The following TET3 variants were observed in gnomAD, a reference collection of about 807,000 sequenced individuals.
The protein encoded by TET3 is methylcytosine dioxygenase TET3.
TET3 carries 19 observed loss-of-function variants against 141.4 expected under a neutral mutation model. That is an observed-to-expected ratio of 0.13 (90% CI 0.09 to 0.20). The LOEUF (loss-of-function observed/expected upper bound fraction) is 0.20, where lower values mean the gene tolerates loss of function less well. Among genes scored for constraint, TET3 ranks in the 10% least tolerant of loss-of-function variants. The pLI is 1.00. For synonymous variants in TET3, 1,043 were observed against 980.9 expected (o/e 1.06, Z -1.18); for missense variants, 1,874 against 2,356.9 (o/e 0.80, Z 4.24).
intron 3 of TET3, among the ~76,000 whole-genome samples, chr2:74,004,892 C>T (rs933003432): frequency 1.3e-5 from 2 of 152,122 alleles, no homozygotes; most frequent in African/African-American, 4.8e-5. Flanking sequence ...GCACAGAGAT[C>T]GTAGAGTAGA....
intron 3 of TET3, among the ~76,000 whole-genome samples, chr2:74,010,789 G>C (rs1208475504): frequency 6.6e-6 from 1 of 152,206 alleles, no homozygotes; most frequent in Non-Finnish European, 1.5e-5. Context: ...TACAGAGTTT[G>C]CAAAAGTGAA....
Position 74,057,799 on chromosome 2 carries a change from A to G in TET3, c.2494+9388A>G, listed in dbSNP as rs545687176. ...AGCTTCTCCTGTGAGAAGATTGATTAACAAATAAACAAAATCAACATGGTA... is the reference window on the plus strand; with the variant it reads ...AGCTTCTCCTGTGAGAAGATTGATTGACAAATAAACAAAATCAACATGGTA... On this transcript the variant is annotated intron_variant, in intron 4 of 11. Transcript: ENST00000409262. Among the ~76,000 whole-genome samples, 4 of 152,232 alleles carry G rather than the reference A, an allele frequency of 2.6e-5. 1 individual carries two copies. Among genetic ancestry groups the G allele is most frequent in the African/African-American group, 2.4e-5 (1 of 41,462 alleles).
chr2:74,000,910 A>G (rs1323765959), intron 2 of TET3, among the ~76,000 whole-genome samples: 3 of 152,156 alleles, frequency 2.0e-5, no homozygotes, highest in Non-Finnish European at 2.9e-5. Flanking sequence ...CCGCTGCAGC[A>G]ACCGTACTAG....
At chr2:74,027,293 A>G (rs899456377) in intron 3 of TET3, among the ~76,000 whole-genome samples, 2 of 150,218 alleles carry the variant, frequency 1.3e-5, no homozygotes, top group Admixed American at 1.3e-4. Context: ...TCGTTTTCTT[A>G]GCCTTTTAGA....
upstream of TET3, among the ~76,000 whole-genome samples, chr2:73,984,899 CG>C (rs1376167415): frequency 6.8e-6 from 1 of 147,168 alleles, no homozygotes; most frequent in African/African-American, 2.5e-5. This position sits in a 1 kb window ranked among gnomAD's most constrained non-coding sequence, Gnocchi z 5.6. Context: ...CCGCGGTGCG[CG>C]GGGGGCGGGG....
rs1414305008 is a variant in TET3, at chr2:74,048,292, C to A, written c.2375C>A (p.Thr792Lys). The change falls in exon 4 of 12, where the codon ACA (threonine) becomes AAA (lysine). Residue 792 changes from threonine (T) to lysine (K), a missense_variant. By Grantham distance (78) the Thr-to-Lys change is moderately conservative (BLOSUM62 -1). Around this residue, in one of 10 missense-constraint regions of TET3, gnomAD observed 83 missense variants for 107.0 expected, o/e 0.78. Coordinates refer to ENST00000409262, the MANE Select transcript of TET3 (RefSeq NM_001287491.2). ...ATPTKAENPL[T>K]PTLSGFLESP... ...CCCACCAAGGCTGAGAACCCACTCA[C>A]ACCCACCCTCAGTGGCTTCTTGGAG... 9 of 1,613,938 alleles carry A rather than the reference C, an allele frequency of 5.6e-6. No individual in the cohort carries two copies. Among genetic ancestry groups the A allele is most frequent in the South Asian group, 1.1e-5 (1 of 91,072 alleles).
chr2:74,027,835 C>T (rs920992109), intron 3 of TET3, among the ~76,000 whole-genome samples: 3 of 152,088 alleles, frequency 2.0e-5, no homozygotes, highest in Non-Finnish European at 4.4e-5. Context: ...TTTATATACA[C>T]GTTTTTGTGT....
chr2:74,100,945 C>T lies in TET3; in HGVS notation c.4157C>T (p.Ala1386Val), dbSNP rs779207654. 1.9e-6 allele frequency: 3 copies of T among 1,610,796 alleles called. No individual in the cohort carries two copies. Among genetic ancestry groups the T allele is most frequent in the Non-Finnish European group, 2.5e-6 (3 of 1,178,742 alleles). ...HSVSRDPSPFAQSSNCYNRSI... is the reference protein window; with the variant it reads ...HSVSRDPSPFVQSSNCYNRSI... ...GTGTCCAGGGACCCCTCCCCCTTTG[C>T]CCAGAGCTCCAACTGCTACAACAGA... Residue 1386 changes from alanine (A) to valine (V), a missense_variant, in exon 12 of 12, where the codon GCC (alanine) becomes GTC (valine). Physicochemically the swap from Ala to Val is moderately conservative, Grantham distance 64. Coordinates refer to ENST00000409262, the MANE Select transcript of TET3 (RefSeq NM_001287491.2).
At chr2:74,019,085 C>T (rs903612744) in intron 3 of TET3, among the ~76,000 whole-genome samples, 10 of 152,010 alleles carry the variant, frequency 6.6e-5, no homozygotes, top group Non-Finnish European at 8.8e-5. Context: ...CCCGCCAACC[C>T]TCATCTCTAC....
At chr2:74,034,977 G>A (rs907461465) in intron 3 of TET3, among the ~76,000 whole-genome samples, 3 of 150,210 alleles carry the variant, frequency 2.0e-5, no homozygotes, top group Non-Finnish European at 4.4e-5. Flanking sequence ...AGATCACGAG[G>A]TCAGTAGACC....
intron 3 of TET3, among the ~76,000 whole-genome samples, chr2:74,028,693 A>T (rs1413383906): frequency 1.3e-5 from 2 of 152,214 alleles, no homozygotes; most frequent in Non-Finnish European, 2.9e-5. Flanking sequence ...CATTTACATG[A>T]TGTACATCAG....
chr2:74,063,497 ATCCT>A (rs1688708050), intron 4 of TET3, among the ~76,000 whole-genome samples: 1 of 152,278 alleles, frequency 6.6e-6, no homozygotes, highest in Admixed American at 6.5e-5. Flanking sequence ...AATTCTGTCC[ATCCT>A]TTTTTTACGT....
chr2:74,041,991 T>C (rs1687365189), intron 3 of TET3, among the ~76,000 whole-genome samples: 1 of 152,216 alleles, frequency 6.6e-6, no homozygotes, highest in African/African-American at 2.4e-5. Flanking sequence ...ATTTTCAACA[T>C]CTACTTATTT....
At chr2:74,012,552 C>G (rs926314830) in intron 3 of TET3, among the ~76,000 whole-genome samples, 5 of 152,166 alleles carry the variant, frequency 3.3e-5, no homozygotes, top group African/African-American at 9.7e-5. Context: ...GGAGCTTGAC[C>G]AGAGGTTGAT....
intron 3 of TET3, among the ~76,000 whole-genome samples, chr2:74,018,088 C>T (rs1238419925): frequency 1.3e-5 from 2 of 151,856 alleles, no homozygotes; most frequent in Admixed American, 6.6e-5. Flanking sequence ...CTGCCTCAGC[C>T]TCCCGAGTAG....
Position 74,075,607 on chromosome 2 carries a change from G to T in TET3, c.2585+1968G>T, listed in dbSNP as rs1190879342. ...GCCTCCCAAAGTGCTGGAATTACAG[G>T]TGTGAGCCACCGTGCCTGGCAAGGA... On this transcript the variant is annotated intron_variant, in intron 5 of 11. Coordinates refer to ENST00000409262, the MANE Select transcript of TET3 (RefSeq NM_001287491.2). Among the ~76,000 whole-genome samples the T allele has an allele frequency of 2.6e-5, 4 of 152,104 alleles. No individual in the cohort carries two copies. The East Asian group carries it at 7.7e-4, about 29-fold the overall frequency.
At chr2:74,074,175 A>G (rs1689364318) in intron 5 of TET3, among the ~76,000 whole-genome samples, 2 of 152,168 alleles carry the variant, frequency 1.3e-5, no homozygotes, top group Non-Finnish European at 2.9e-5. Context: ...GGAGTGTTTC[A>G]TAGCTTTCTT....
intron 4 of TET3, among the ~76,000 whole-genome samples, chr2:74,049,544 G>A (rs1476825882): frequency 1.3e-5 from 2 of 152,182 alleles, no homozygotes; most frequent in African/African-American, 4.8e-5. Context: ...TAAAAGATAT[G>A]TGTGTTTCAG....
At chr2:74,006,794 CCT>C (rs1361108752) in intron 3 of TET3, among the ~76,000 whole-genome samples, 2 of 152,204 alleles carry the variant, frequency 1.3e-5, no homozygotes, top group Non-Finnish European at 2.9e-5. Flanking sequence ...GGCCTCATTT[CCT>C]CTCACACCCG....
Sources: gnomAD v4.1 joint callset for allele counts (sites outside exome capture counted in the v4.1 genomes callset) on GRCh38, gnomAD v4.1.1 for gene constraint, gnomAD v4.1.1 regional missense constraint, Gnocchi (gnomAD v3.1) non-coding constraint, MANE v1.5 for transcripts, NCBI Gene and HGNC (gene_info 2026-07-23, HGNC 2026-07-21) for gene names.